Variants in DSCAML1 observed in about 807,000 individuals in gnomAD.
DSCAML1 encodes the protein DS cell adhesion molecule like 1.
DSCAML1 carries 38 observed loss-of-function variants against 200.5 expected under a neutral mutation model. That is an observed-to-expected ratio of 0.19 (90% CI 0.15 to 0.25). The LOEUF is 0.25. Ranked by LOEUF, DSCAML1 falls within the 10% of genes least tolerant of loss-of-function variation. The pLI is 1.00. For synonymous variants in DSCAML1, 1,215 were observed against 1,165.0 expected (o/e 1.04, Z -0.87); for missense variants, 2,223 against 2,858.8 (o/e 0.78, Z 5.07).
At chr11:117,707,974 T>C (rs1484025485) in intron 3 of DSCAML1, among the ~76,000 whole-genome samples, 1 of 152,098 alleles carries the variant, frequency 6.6e-6, no homozygotes, top group Non-Finnish European at 1.5e-5. Context: ...TGGATGCCCA[T>C]TCTAGACTTA....
At chr11:117,523,373 G>C (rs2137321367) in intron 5 of DSCAML1, among the ~76,000 whole-genome samples, 1 of 152,328 alleles carries the variant, frequency 6.6e-6, no homozygotes, top group East Asian at 1.9e-4. Flanking sequence ...CTTAGGGCAG[G>C]AAGGGAGGTG....
intron 3 of DSCAML1, among the ~76,000 whole-genome samples, chr11:117,751,034 G>A (rs1262893381): frequency 1.3e-5 from 2 of 152,166 alleles, no homozygotes; most frequent in Admixed American, 1.3e-4. Flanking sequence ...GGCTTTCTGA[G>A]GTTTCCATTG....
rs138056897 is a variant in DSCAML1 at position 117,548,865 on chromosome 11, C to T, written c.512-16343G>A. On this transcript the variant is annotated intron_variant, in intron 3 of 32. Transcript: ENST00000651296. ...CCTCTAGAGAGTTACCGGGAGGAGT[C>T]GCTGGGCTGCCGTGGAACTGTGCCT... Among the ~76,000 whole-genome samples, 1,108 of 152,294 alleles carry T rather than the reference C, an allele frequency of 7.3e-3. 5 individuals are homozygous for T. Among genetic ancestry groups the T allele is most frequent in the Non-Finnish European group, 0.012 (826 of 68,026 alleles).
chr11:117,674,807 G>A (rs1242094718), intron 3 of DSCAML1, among the ~76,000 whole-genome samples: 1 of 152,078 alleles, frequency 6.6e-6, no homozygotes, highest in Non-Finnish European at 1.5e-5. Flanking sequence ...GCTACCAGCT[G>A]GGTGACTTTG....
intron 3 of DSCAML1, among the ~76,000 whole-genome samples, chr11:117,543,670 C>T (rs650535): frequency 0.26 from 39,408 of 152,014 alleles, 5,180 homozygotes; most frequent in African/African-American, 0.28. Context: ...CCTTTCTGGG[C>T]GTTTGCTCAC....
chr11:117,551,827 A>G (rs942062168), intron 3 of DSCAML1, among the ~76,000 whole-genome samples: 3 of 152,004 alleles, frequency 2.0e-5, no homozygotes. Context: ...CAGTCACACC[A>G]TTAAAGAGCG....
intron 3 of DSCAML1, among the ~76,000 whole-genome samples, chr11:117,706,878 T>C (rs1460622272): frequency 6.6e-6 from 1 of 152,204 alleles, no homozygotes; most frequent in African/African-American, 2.4e-5. Flanking sequence ...TTAACAGCCC[T>C]GGCTTTAGAC....
intron 3 of DSCAML1, among the ~76,000 whole-genome samples, chr11:117,651,803 T>G (rs1458852568): frequency 2.0e-5 from 3 of 151,674 alleles, no homozygotes; most frequent in Admixed American, 2.0e-4. Context: ...TGACATTATC[T>G]GGTTTTATAG....
chr11:117,599,492 A>T (rs2051425084), intron 3 of DSCAML1, among the ~76,000 whole-genome samples: 1 of 152,236 alleles, frequency 6.6e-6, no homozygotes, highest in South Asian at 2.1e-4. Flanking sequence ...ACGAAATCAC[A>T]TATGAGCCCC....
At chr11:117,476,504 TG>T (rs1375505595) in intron 14 of DSCAML1, among the ~76,000 whole-genome samples, 1 of 152,158 alleles carries the variant, frequency 6.6e-6, no homozygotes, top group Non-Finnish European at 1.5e-5. Flanking sequence ...CAGAACACCA[TG>T]CCATGCCAGG....
intron 3 of DSCAML1, among the ~76,000 whole-genome samples, chr11:117,623,291 A>ACTGCAAC (rs1565832906): frequency 7.5e-6 from 1 of 133,050 alleles, no homozygotes; most frequent in Non-Finnish European, 1.5e-5. Context: ...ATCTCAGTTC[A>ACTGCAAC]CTGCAACCTC....
intron 3 of DSCAML1, among the ~76,000 whole-genome samples, chr11:117,769,292 A>G: frequency 1.9e-3 from 6 of 3,184 alleles, no homozygotes; most frequent in African/African-American, 2.2e-3. Context: ...TATATTTTAT[A>G]TATTTATATA....
intron 3 of DSCAML1, among the ~76,000 whole-genome samples, chr11:117,655,586 T>A (rs1463142588): frequency 6.6e-6 from 1 of 152,164 alleles, no homozygotes; most frequent in Non-Finnish European, 1.5e-5. Flanking sequence ...AGGCCTTCCA[T>A]CAGGAGCTCC....
At position 117,633,761 on chromosome 11, in the gene DSCAML1, A is replaced by G. The variant is rs1189103857; in HGVS notation, c.512-101239T>C. Among the ~76,000 whole-genome samples the G allele has an allele frequency of 2.6e-5, 4 of 152,212 alleles. No individual in the cohort carries two copies. The East Asian group carries it at 7.7e-4, about 29-fold the overall frequency. ...TTGTCTGTTCGAAACGCAGCACGGC[A>G]GGCAGAATGTCATCCTTTTGGAGGG... On this transcript the variant is annotated intron_variant, in intron 3 of 32. Transcript: ENST00000651296.
Position 117,505,730 on chromosome 11 carries a change from G to A in DSCAML1, c.1786C>T (p.Pro596Ser). 1 of 1,606,686 alleles carries A rather than the reference G, an allele frequency of 6.2e-7. No homozygotes were observed. The highest frequency in any genetic ancestry group is 8.5e-7 in the Non-Finnish European group (1 of 1,175,488). Residue 596 changes from proline (P) to serine (S), a missense_variant and splice_region_variant, in exon 9 of 33, where the codon CCC becomes TCC. Pro to Ser is a moderately conservative substitution (Grantham distance 74, BLOSUM62 -1). Coordinates refer to ENST00000651296, the MANE Select transcript of DSCAML1 (RefSeq NM_020693.4). The surrounding 1 kb of genome is among the most constrained non-coding windows in gnomAD (Gnocchi z 6.7). ...SQSVHVAVKV[P>S]PLIQPFEFPP... ...AATTCGAAGGGCTGGATCAGAGGGGGCACTGGGAAGGCAAGCGGGTGCTGC... is the reference window on the plus strand; with the variant it reads ...AATTCGAAGGGCTGGATCAGAGGGGACACTGGGAAGGCAAGCGGGTGCTGC...
chr11:117,688,490 G>A (rs2053443390), intron 3 of DSCAML1, among the ~76,000 whole-genome samples: 1 of 152,218 alleles, frequency 6.6e-6, no homozygotes, highest in Admixed American at 6.5e-5. Context: ...GCAGGGAGAA[G>A]AGCCACCCAT....
At chr11:117,711,438 T>C (rs2053847617) in intron 3 of DSCAML1, among the ~76,000 whole-genome samples, 3 of 152,190 alleles carry the variant, frequency 2.0e-5, no homozygotes, top group Admixed American at 2.0e-4. Flanking sequence ...CAGGGGTCCA[T>C]AGAGCAACTT....
rs1324503432 is a variant in DSCAML1 at position 117,435,785 on chromosome 11, T to C, written c.4735A>G (p.Ile1579Val). The stretch of plus-strand genomic sequence containing the variant: ...TCCCCTTCACCTTGAGCAGACTTGA[T>C]GGGTGGAATGGTGCCTGAATGAGGG... ...LDYDGSTIPP[I>V]KSAQGEGDDV... The change falls in exon 27 of 33, where the codon ATC (isoleucine) becomes GTC (valine). Residue 1579 changes from isoleucine (I) to valine (V), a missense_variant. Ile to Val is a conservative substitution (Grantham distance 29). Transcript: ENST00000651296. 1.2e-6 allele frequency: 2 copies of C among 1,608,440 alleles called. No homozygotes were observed. The highest frequency in any genetic ancestry group is 1.3e-5 in the African/African-American group (1 of 74,972).
In DSCAML1 at chr11:117,450,656, G is replaced by A; in HGVS notation, c.3601C>T (p.Pro1201Ser). 6.2e-7 allele frequency: 1 copy of A among 1,614,152 alleles called. No individual in the cohort carries two copies. Among genetic ancestry groups the A allele is most frequent in the Non-Finnish European group, 8.5e-7 (1 of 1,180,024 alleles). The change falls in exon 20 of 33, where the codon CCT (proline) becomes TCT (serine). Residue 1201 changes from proline (P) to serine (S), a missense_variant. This residue lies in a region of DSCAML1 where 438 missense variants were observed against 629.7 expected (regional missense o/e 0.70). Transcript: ENST00000651296. ...ACAACCACACTGCTAGCTGATGAAG[G>A]GACAGCTTTGATGCCAGCAGGGGGA... ...PGPPAGIKAV[P>S]SSASSVVVSW...
Sources: allele counts gnomAD v4.1 joint callset (sites outside exome capture counted in the v4.1 genomes callset), GRCh38; gene constraint gnomAD v4.1.1; regional missense constraint gnomAD v4.1.1; non-coding constraint Gnocchi (gnomAD v3.1); transcripts MANE v1.5; gene names NCBI Gene and HGNC (gene_info 2026-07-23, HGNC 2026-07-21).